KIF5C: variants seen among roughly 807,000 people sequenced by gnomAD.
KIF5C encodes the protein kinesin family member 5C, also known as kinesin heavy chain isoform 5C.
A neutral mutation model predicts 125.2 loss-of-function variants in KIF5C; 18 were observed. The ratio of observed to expected loss-of-function variants is 0.14; its 90% CI spans 0.10 to 0.21. The LOEUF is 0.21. Ranked by LOEUF, KIF5C falls within the 10% of genes least tolerant of loss-of-function variation. The probability of loss-of-function intolerance (pLI) is 1.00; values close to 1 mark genes in which losing one functional copy is unlikely to be tolerated. For synonymous variants in KIF5C, 405 were observed against 434.0 expected (o/e 0.93, Z 0.83); for missense variants, 780 against 1,183.8 (o/e 0.66, Z 5.01).
chr2:148,898,074 A>G (rs749418516), intron 1 of KIF5C, among the ~76,000 whole-genome samples: 5 of 151,870 alleles, frequency 3.3e-5, no homozygotes, highest in Non-Finnish European at 5.9e-5. Context: ...CCCATCAAAG[A>G]CTGGCTCTAA....
rs556826367 is a variant in KIF5C, at chr2:148,964,207, G to A, written c.1117+2088G>A. On this transcript the variant is annotated intron_variant, in intron 11 of 25. Transcript: ENST00000435030. ...GGAGAATCGCTTGAACCCTGGAGGC[G>A]GAGGTTGCAGTGAGCCGAGAACCCA... Among the ~76,000 whole-genome samples, 8 of 151,874 alleles carry A rather than the reference G, an allele frequency of 5.3e-5. No individual in the cohort carries two copies. In the East Asian group the frequency reaches 1.4e-3, roughly 26 times the overall value.
intron 15 of KIF5C, among the ~76,000 whole-genome samples, chr2:148,986,543 G>A (rs1416122162): frequency 6.6e-6 from 1 of 152,132 alleles, no homozygotes; most frequent in Admixed American, 6.6e-5. Context: ...CTGCACATTT[G>A]TTTTAGATTT....
At chr2:148,956,850 G>GAACC (rs1217891468) in intron 10 of KIF5C, among the ~76,000 whole-genome samples, 1 of 152,114 alleles carries the variant, frequency 6.6e-6, no homozygotes, top group Non-Finnish European at 1.5e-5. Flanking sequence ...TAGAAATGAA[G>GAACC]AACCCACTTT....
intron 1 of KIF5C, among the ~76,000 whole-genome samples, chr2:148,880,267 T>A (rs1344476252): frequency 1.3e-5 from 2 of 152,172 alleles, no homozygotes; most frequent in African/African-American, 4.8e-5. Flanking sequence ...ACTACAGGCG[T>A]GTGCCACCAC....
chr2:148,978,904 C>G lies in KIF5C; in HGVS notation c.1294-18C>G. 6.3e-7 allele frequency: 1 copy of G among 1,578,066 alleles called. No homozygotes were observed. The highest frequency in any genetic ancestry group is 8.6e-7 in the Non-Finnish European group (1 of 1,164,804). ...TGACATAACTAACCAAAAAAACAAA[C>G]ATGATGTTTCGTTTCAGGATGATGA... On this transcript the variant is annotated intron_variant, in intron 12 of 25. Transcript: ENST00000435030.
chr2:148,991,250 C>T (rs1681519434), intron 16 of KIF5C, 52 bp downstream of exon 16: 1 of 1,566,880 alleles, frequency 6.4e-7, no homozygotes. Context: ...GAGATCTGCT[C>T]CCTCCATGCC....
intron 1 of KIF5C, among the ~76,000 whole-genome samples, chr2:148,911,131 C>T (rs561825021): frequency 6.6e-6 from 1 of 152,226 alleles, no homozygotes; most frequent in South Asian, 2.1e-4. Flanking sequence ...GGACTTTGTT[C>T]GTCTTCTGCC....
intron 1 of KIF5C, among the ~76,000 whole-genome samples, chr2:148,902,630 A>G (rs1287226513): frequency 6.6e-6 from 1 of 152,182 alleles, no homozygotes; most frequent in Non-Finnish European, 1.5e-5. Flanking sequence ...GAACATCTGT[A>G]GTAAGTACTT....
intron 25 of KIF5C, among the ~76,000 whole-genome samples, chr2:149,019,109 T>C (rs1014320689): frequency 6.6e-6 from 1 of 152,226 alleles, no homozygotes. Context: ...TTCCCCCAGC[T>C]GTTTCTGCAT....
intron 25 of KIF5C, among the ~76,000 whole-genome samples, chr2:149,015,478 C>A (rs1380778240): frequency 6.6e-6 from 1 of 152,204 alleles, no homozygotes; most frequent in African/African-American, 2.4e-5. Flanking sequence ...TCCCAGCCCT[C>A]CTGTGGAGTC....
At chr2:148,949,785 A>T in intron 8 of KIF5C, 54 bp from the exon 9 acceptor site, 1 of 1,574,918 alleles carries the variant, frequency 6.3e-7, no homozygotes, top group Non-Finnish European at 8.6e-7. Context: ...TGAAATTTCT[A>T]CTTTGTGCTT....
intron 1 of KIF5C, among the ~76,000 whole-genome samples, chr2:148,894,882 A>G (rs1681798961): frequency 6.6e-6 from 1 of 151,314 alleles, no homozygotes; most frequent in East Asian, 1.9e-4. Flanking sequence ...TTTGGAAAGT[A>G]GAAATGCTCC....
intron 22 of KIF5C, among the ~76,000 whole-genome samples, chr2:149,007,551 T>TAAC (rs1459547687): frequency 2.0e-5 from 3 of 152,224 alleles, no homozygotes; most frequent in Non-Finnish European, 4.4e-5. Context: ...GTTTGGTGAC[T>TAAC]TGTTGTCCCA....
At position 148,973,241 on chromosome 2, in the gene KIF5C, AT is replaced by A. The variant is rs897581571; in HGVS notation, c.1118-90del. 37 of 1,466,552 alleles carry A rather than the reference AT, an allele frequency of 2.5e-5. No individual in the cohort carries two copies. The African/African-American group carries it at 5.0e-4, about 20-fold the overall frequency. 90.8% of individuals were successfully genotyped at this position (1,466,552 alleles called of 1,614,324 possible). A position where few individuals can be genotyped will look rare whatever the true frequency, so the allele number is the denominator to read the frequency against. ...CAGCCCTTTATTGTGTCTTCTGTGTATTTTTCACCAGGACTGATTATTTTTG... is the reference window on the plus strand; with the variant it reads ...CAGCCCTTTATTGTGTCTTCTGTGTATTTTCACCAGGACTGATTATTTTTG... On this transcript the variant is annotated intron_variant, in intron 11 of 25. Coordinates refer to ENST00000435030, the MANE Select transcript of KIF5C (RefSeq NM_004522.3).
chr2:149,012,827 T>C (rs531578472), intron 25 of KIF5C, among the ~76,000 whole-genome samples: 1 of 152,346 alleles, frequency 6.6e-6, no homozygotes, highest in South Asian at 2.1e-4. Flanking sequence ...GGCCACCCCA[T>C]TCCTATCTAA....
intron 7 of KIF5C, 55 bp from the exon 8 acceptor site, chr2:148,946,844 T>C: frequency 1.9e-6 from 3 of 1,593,376 alleles, no homozygotes; most frequent in Non-Finnish European, 2.6e-6. Context: ...AATGAGAGGA[T>C]TGCTACCTAA....
rs116449742 is a variant in KIF5C, at chr2:148,882,675, G to A, written c.126+6932G>A. Among the ~76,000 whole-genome samples, 494 of 152,186 alleles carry A rather than the reference G, an allele frequency of 3.2e-3. 3 individuals carry two copies. Among genetic ancestry groups the A allele is most frequent in the African/African-American group, 0.011 (455 of 41,504 alleles). On this transcript the variant is annotated intron_variant, in intron 1 of 25. Coordinates refer to ENST00000435030, the MANE Select transcript of KIF5C (RefSeq NM_004522.3). Reference sequence around the variant, plus strand: ...CTCACCTGCATGGCCTGTGAGCTTTGGAAGGGCATCCATTCGCCTTTAGAC... The same window carrying A: ...CTCACCTGCATGGCCTGTGAGCTTTAGAAGGGCATCCATTCGCCTTTAGAC...
rs76402238 is a variant in KIF5C at position 148,995,028 on chromosome 2, T to A, written c.2023+490T>A. On this transcript the variant is annotated intron_variant, in intron 17 of 25. Coordinates refer to ENST00000435030, the MANE Select transcript of KIF5C (RefSeq NM_004522.3). ...GATTTCTGAGAGACCATCCCCACAC[T>A]GAATCTGCTCATCTTCCCATTTCCT... Among the ~76,000 whole-genome samples the A allele has an allele frequency of 9.0e-3, 1,370 of 152,236 alleles. 14 individuals carry two copies. Among genetic ancestry groups the A allele is most frequent in the Non-Finnish European group, 0.015 (1,024 of 68,002 alleles).
At chr2:148,899,720 A>G (rs964322671) in intron 1 of KIF5C, among the ~76,000 whole-genome samples, 30 of 151,842 alleles carry the variant, frequency 2.0e-4, no homozygotes, top group African/African-American at 4.3e-4. Context: ...AAAAAAAAAA[A>G]AAAAAGAAAA....
Sources: gnomAD v4.1 joint callset for allele counts (sites outside exome capture counted in the v4.1 genomes callset) on GRCh38, gnomAD v4.1.1 for gene constraint, MANE v1.5 for transcripts, NCBI Gene and HGNC (gene_info 2026-07-23, HGNC 2026-07-21) for gene names.